SPON1: variants seen among roughly 807,000 people sequenced by gnomAD.
The protein encoded by SPON1 is spondin-1.
A neutral mutation model predicts 111.7 loss-of-function variants in SPON1; 52 were observed. The ratio of observed to expected loss-of-function variants is 0.47; its 90% CI spans 0.37 to 0.59. The LOEUF is 0.59. Among genes scored for constraint, SPON1 ranks in the 20% least tolerant of loss-of-function variants. SPON1 has a pLI of 0.00. For synonymous variants in SPON1, 410 were observed against 395.8 expected, an observed-to-expected ratio of 1.04 and a Z score of -0.43; for missense variants, 957 against 1,068.5, an observed-to-expected ratio of 0.90 and a Z score of 1.46.
rs1362291633 is a variant in SPON1, at chr11:14,268,100, GA to G, written c.*2419del. 6.6e-6 allele frequency among the ~76,000 whole-genome samples: 1 copy of G among 152,048 alleles called. No homozygotes were observed. The highest frequency in any genetic ancestry group is 1.5e-5 in the Non-Finnish European group (1 of 67,986). ...CCTGGGTTTCTATAGACCCAGAACT[GA>G]AAAAATAAACATCGTGCTGTTTTTA... On this transcript the variant is annotated 3_prime_UTR_variant, in exon 16 of 16. Coordinates refer to ENST00000576479, the MANE Select transcript of SPON1 (RefSeq NM_006108.4).
chr11:14,032,517 G>A (rs1554916188), intron 2 of SPON1, among the ~76,000 whole-genome samples: 3 of 152,162 alleles, frequency 2.0e-5, no homozygotes, highest in Non-Finnish European at 2.9e-5. Flanking sequence ...ACAACATACC[G>A]AGGGCCTGTT....
At chr11:14,217,168 GC>G (rs1302188527) in intron 6 of SPON1, among the ~76,000 whole-genome samples, 1 of 152,168 alleles carries the variant, frequency 6.6e-6, no homozygotes, top group Non-Finnish European at 1.5e-5. Context: ...TGGTTGTCTT[GC>G]TTGTATCAGA....
At chr11:14,177,204 C>T (rs1554933201) in intron 6 of SPON1, among the ~76,000 whole-genome samples, 1 of 152,144 alleles carries the variant, frequency 6.6e-6, no homozygotes, top group Non-Finnish European at 1.5e-5. Context: ...CCATACGCAG[C>T]TAATTTTTTG....
chr11:14,041,652 G>C lies in SPON1; in HGVS notation c.477G>C (p.Leu159=). 6.2e-7 allele frequency: 1 copy of C among 1,613,612 alleles called. No homozygotes were observed. The highest frequency in any genetic ancestry group is 8.5e-7 in the Non-Finnish European group (1 of 1,179,752). ...APPAGTGCVI[L]KASIVQKRII... ...CAGCGGGAACAGGCTGCGTGATTCT[G>C]AAGTAAGTAAACATGGAATCCTTCC... Residue 159 remains leucine, a splice_region_variant and synonymous_variant, in exon 3 of 16, where the codon CTG becomes CTC. Coordinates refer to ENST00000576479, the MANE Select transcript of SPON1 (RefSeq NM_006108.4).
chr11:13,975,139 C>T (rs1852755), intron 1 of SPON1, among the ~76,000 whole-genome samples: 106,882 of 152,088 alleles, frequency 0.7, 38,524 homozygotes, highest in East Asian at 0.98. Flanking sequence ...ACACACTTTA[C>T]ATGTTATAAA....
intron 2 of SPON1, among the ~76,000 whole-genome samples, chr11:14,033,607 G>C (rs542148346): frequency 6.6e-6 from 1 of 152,196 alleles, no homozygotes; most frequent in Non-Finnish European, 1.5e-5. Context: ...GGGTCATGAT[G>C]TAGGTTTCAA....
At chr11:14,160,736 TTTA>T (rs1208391779) in intron 6 of SPON1, among the ~76,000 whole-genome samples, 19 of 6,166 alleles carry the variant, frequency 3.1e-3, no homozygotes, top group African/African-American at 0.012. Flanking sequence ...TTTATATATA[TTTA>T]ATTTATATAT....
chr11:14,087,631 G>A (rs1849017125), intron 5 of SPON1, among the ~76,000 whole-genome samples: 1 of 152,150 alleles, frequency 6.6e-6, no homozygotes, highest in Admixed American at 6.6e-5. Context: ...GTTGATTTGG[G>A]GTAGATAGTT....
At chr11:14,239,804 C>T (rs184912289) in intron 6 of SPON1, among the ~76,000 whole-genome samples, 37 of 152,314 alleles carry the variant, frequency 2.4e-4, no homozygotes, top group Non-Finnish European at 4.3e-4. Flanking sequence ...GCTTATGCTT[C>T]TCAACTATGC....
Position 14,255,682 on chromosome 11 carries a change from C to T in SPON1, c.1128C>T (p.Ile376=). 1 of 1,613,930 alleles carries T rather than the reference C, an allele frequency of 6.2e-7. No homozygotes were observed. Among genetic ancestry groups the T allele is most frequent in the Non-Finnish European group, 8.5e-7 (1 of 1,179,858 alleles). The stretch of plus-strand genomic sequence containing the variant: ...AACCCACCATTCCCCAGGAGAAAAT[C>T]CGGCCCCTGACCAGCCTGGACCATC... The part of the protein sequence containing the change: ...PNKPTIPQEK[I]RPLTSLDHPQ... The change falls in exon 9 of 16, where the codon ATC becomes ATT. Residue 376 remains isoleucine, a synonymous_variant. Transcript: ENST00000576479.
At position 14,259,469 on chromosome 11, in the gene SPON1, C is replaced by A. The variant is rs1554941671; in HGVS notation, c.1663+19C>A. 3.8e-6 allele frequency: 6 copies of A among 1,594,428 alleles called. No individual in the cohort carries two copies. The highest frequency in any genetic ancestry group is 2.7e-5 in the African/African-American group (2 of 74,624). ...GAGTGCTGTGAGTGGGGGCCCCGGG[C>A]GGGCAGGCGGGCAAGTAGGTCGGGG... On this transcript the variant is annotated intron_variant, in intron 12 of 15. Coordinates refer to ENST00000576479, the MANE Select transcript of SPON1 (RefSeq NM_006108.4). The surrounding 1 kb of genome is among the most constrained non-coding windows in gnomAD (Gnocchi z 5.0).
chr11:14,260,634 C>T lies in SPON1; in HGVS notation c.1878C>T (p.Cys626=). 6.2e-7 allele frequency: 1 copy of T among 1,613,986 alleles called. No homozygotes were observed. Among genetic ancestry groups the T allele is most frequent in the Non-Finnish European group, 8.5e-7 (1 of 1,179,900 alleles). Residue 626 remains cysteine (C), a synonymous_variant, in exon 14 of 16, where the codon TGC becomes TGT. Coordinates refer to ENST00000576479, the MANE Select transcript of SPON1 (RefSeq NM_006108.4). ...CCCCATGGTCCGAGTGGAGTGACTG[C>T]AGCGTGACCTGCGGGAAGGGCATGC... ...LLSPWSEWSD[C]SVTCGKGMRT...
chr11:14,114,159 T>A (rs1333453906), intron 5 of SPON1, among the ~76,000 whole-genome samples: 1 of 152,206 alleles, frequency 6.6e-6, no homozygotes, highest in Non-Finnish European at 1.5e-5. Context: ...TCATTCTTTC[T>A]AATTTTTTTG....
At chr11:14,200,282 G>T (rs1021143961) in intron 6 of SPON1, among the ~76,000 whole-genome samples, 1 of 152,158 alleles carries the variant, frequency 6.6e-6, no homozygotes, top group African/African-American at 2.4e-5. Flanking sequence ...CAATTGTTAA[G>T]ATCTCAGTTC....
intron 2 of SPON1, among the ~76,000 whole-genome samples, chr11:13,991,341 T>C (rs2133787080): frequency 6.6e-6 from 1 of 152,320 alleles, no homozygotes; most frequent in African/African-American, 2.4e-5. Context: ...TAATCACGGA[T>C]ATCCTTTCTT....
chr11:14,101,698 C>T (rs1176988410), intron 5 of SPON1, among the ~76,000 whole-genome samples: 4 of 152,074 alleles, frequency 2.6e-5, no homozygotes, highest in Admixed American at 2.0e-4. Flanking sequence ...CTCAAAAACA[C>T]TAAAAAGGTC....
intron 3 of SPON1, among the ~76,000 whole-genome samples, chr11:14,043,777 C>T (rs1189307850): frequency 1.3e-5 from 2 of 152,228 alleles, no homozygotes; most frequent in Admixed American, 1.3e-4. Context: ...GCCAGAAAGG[C>T]ATCTCTTGTT....
chr11:14,229,268 G>C (rs766532879), intron 6 of SPON1, among the ~76,000 whole-genome samples: 2 of 152,146 alleles, frequency 1.3e-5, no homozygotes, highest in Admixed American at 1.3e-4. Context: ...ACCTTTATAC[G>C]AGTGAACAAA....
At chr11:14,167,170 A>G (rs551419153) in intron 6 of SPON1, among the ~76,000 whole-genome samples, 1 of 152,290 alleles carries the variant, frequency 6.6e-6, no homozygotes, top group African/African-American at 2.4e-5. Flanking sequence ...TTCATATTTG[A>G]TGATGCTTCC....
Sources: gnomAD v4.1 joint callset for allele counts (sites outside exome capture counted in the v4.1 genomes callset) on GRCh38, gnomAD v4.1.1 for gene constraint, Gnocchi (gnomAD v3.1) non-coding constraint, MANE v1.5 for transcripts, NCBI Gene and HGNC (gene_info 2026-07-23, HGNC 2026-07-21) for gene names.